EPM2A: variants seen among roughly 807,000 people sequenced by gnomAD.
The protein encoded by EPM2A is laforin.
Under a neutral mutation model 26.5 loss-of-function variants are expected in EPM2A, and 21 were observed. The ratio of observed to expected loss-of-function variants is 0.79; its 90% CI spans 0.56 to 1.14. The LOEUF (loss-of-function observed/expected upper bound fraction) is 1.14. EPM2A is among the 50% of genes most tolerant of loss of function. EPM2A has a pLI of 0.00. For missense variants in EPM2A, 458 were observed against 440.8 expected (o/e 1.04, Z -0.35); for synonymous variants, 217 against 177.6 (o/e 1.22, Z -1.76).
rs570079760 is a variant in EPM2A, at chr6:145,578,712, A to C, written c.340+56533T>G. 2.5e-4 allele frequency among the ~76,000 whole-genome samples: 38 copies of C among 152,324 alleles called. No homozygotes were observed. In the South Asian group the frequency reaches 6.4e-3, roughly 26 times the overall value. On this transcript the variant is annotated intron_variant, in intron 2 of 3. Coordinates refer to the EPM2A transcript ENST00000450221. ...AAAACAAATACTTTATCAAGGTATA[A>C]TTGACATAATAAACTGTATATATTG...
At chr6:145,442,999 T>C (rs1338546735) in intron 4 of EPM2A, among the ~76,000 whole-genome samples, 2 of 152,146 alleles carry the variant, frequency 1.3e-5, no homozygotes, top group Non-Finnish European at 2.9e-5. Context: ...TAGCTGGGAC[T>C]ACAGGCACCT....
intron 1 of EPM2A, among the ~76,000 whole-genome samples, chr6:145,711,747 T>A (rs568078119): frequency 6.6e-6 from 1 of 152,170 alleles, no homozygotes; most frequent in African/African-American, 2.4e-5. Flanking sequence ...GTTGATATCA[T>A]TTTTCATTGG....
intron 1 of EPM2A, among the ~76,000 whole-genome samples, chr6:145,734,417 T>C (rs1776695034): frequency 6.6e-6 from 1 of 152,112 alleles, no homozygotes; most frequent in Non-Finnish European, 1.5e-5. Flanking sequence ...GCTTAAGATG[T>C]GTGGAGGAAA....
intron 4 of EPM2A, among the ~76,000 whole-genome samples, chr6:145,434,083 T>A (rs933290732): frequency 6.6e-6 from 1 of 152,100 alleles, no homozygotes; most frequent in African/African-American, 2.4e-5. Context: ...GGGTATTGAA[T>A]TCTAGATTGA....
chr6:145,620,519 G>A (rs1264185164), downstream of EPM2A, among the ~76,000 whole-genome samples: 1 of 152,178 alleles, frequency 6.6e-6, no homozygotes, highest in African/African-American at 2.4e-5. Context: ...ATATTAAGAA[G>A]GCAGCAATAA....
intron 2 of EPM2A, among the ~76,000 whole-genome samples, chr6:145,554,410 G>T (rs577206160): frequency 6.9e-6 from 1 of 144,790 alleles, no homozygotes; most frequent in Non-Finnish European, 1.5e-5. Flanking sequence ...AGATAATAGA[G>T]AGATAGATAG....
In EPM2A at chr6:145,686,200, G is replaced by A; in HGVS notation, c.398C>T (p.Thr133Ile). 1 of 1,613,764 alleles carries A rather than the reference G, an allele frequency of 6.2e-7. No homozygotes were observed. Among genetic ancestry groups the A allele is most frequent in the Non-Finnish European group, 8.5e-7 (1 of 1,179,738 alleles). ...CLPIGHWIEA[T>I]GHTNEMKHTT... ...GTGCTTCATTTCATTGGTGTGCCCAGTGGCCTCAATCCAGTGTCCTATTGG... is the reference window on the plus strand; with the variant it reads ...GTGCTTCATTTCATTGGTGTGCCCAATGGCCTCAATCCAGTGTCCTATTGG... Residue 133 changes from threonine (T) to isoleucine (I), a missense_variant, in exon 2 of 4, where the codon ACT (threonine) becomes ATT (isoleucine). Physicochemically the swap from Thr to Ile is moderately conservative, Grantham distance 89. Transcript: ENST00000367519.
chr6:145,556,139 A>T (rs1780725874), intron 2 of EPM2A, among the ~76,000 whole-genome samples: 1 of 152,186 alleles, frequency 6.6e-6, no homozygotes. Flanking sequence ...TTTTTGTCCC[A>T]TGACTGTATT....
chr6:145,669,981 C>G (rs1167416265), intron 2 of EPM2A, among the ~76,000 whole-genome samples: 1 of 152,158 alleles, frequency 6.6e-6, no homozygotes, highest in East Asian at 1.9e-4. Flanking sequence ...GCTCTCACTG[C>G]TGATTCAACC....
At chr6:145,592,063 A>C (rs543942226) in intron 2 of EPM2A, among the ~76,000 whole-genome samples, 177 of 152,062 alleles carry the variant, frequency 1.2e-3, no homozygotes, top group Non-Finnish European at 2.4e-3. Flanking sequence ...CACAAAGTGC[A>C]GGTTTGTTAC....
chr6:145,470,169 G>A (rs1416607196), intron 4 of EPM2A, among the ~76,000 whole-genome samples: 1 of 151,996 alleles, frequency 6.6e-6, no homozygotes, highest in Non-Finnish European at 1.5e-5. Flanking sequence ...AAATAAAAGA[G>A]CATATTGGAA....
At chr6:145,511,449 C>T (rs1221530808) in intron 2 of EPM2A, among the ~76,000 whole-genome samples, 1 of 152,132 alleles carries the variant, frequency 6.6e-6, no homozygotes, top group Non-Finnish European at 1.5e-5. Flanking sequence ...GATGATTCAA[C>T]ATACACAAAT....
intron 2 of EPM2A, among the ~76,000 whole-genome samples, chr6:145,576,804 C>A (rs1177611487): frequency 3.8e-4 from 58 of 151,800 alleles, no homozygotes; most frequent in Admixed American, 3.7e-3. Flanking sequence ...GAATAAAAGA[C>A]AAACCTACAA....
At chr6:145,441,258 A>G (rs1320106305) in intron 4 of EPM2A, among the ~76,000 whole-genome samples, 1 of 152,178 alleles carries the variant, frequency 6.6e-6, no homozygotes, top group African/African-American at 2.4e-5. Context: ...CTTTTTAGTC[A>G]TGGCTACAGC....
intron 2 of EPM2A, among the ~76,000 whole-genome samples, chr6:145,618,936 G>A (rs988043126): frequency 1.3e-5 from 2 of 152,210 alleles, no homozygotes; most frequent in African/African-American, 4.8e-5. Context: ...ATTACAAGAG[G>A]AAGATAAGCC....
chr6:145,496,836 C>T (rs937202654), downstream of EPM2A, among the ~76,000 whole-genome samples: 14 of 149,938 alleles, frequency 9.3e-5, no homozygotes, highest in Non-Finnish European at 1.3e-4. Context: ...TTCCTGGGTT[C>T]ACGCCATTCT....
intron 2 of EPM2A, among the ~76,000 whole-genome samples, chr6:145,505,561 C>A (rs1369099263): frequency 6.6e-6 from 1 of 151,904 alleles, no homozygotes; most frequent in East Asian, 1.9e-4. Flanking sequence ...ATCAAATCTG[C>A]AGACCTAGTC....
intron 2 of EPM2A, among the ~76,000 whole-genome samples, chr6:145,644,641 T>C (rs929822402): frequency 2.6e-5 from 4 of 152,046 alleles, no homozygotes; most frequent in Non-Finnish European, 2.9e-5. Context: ...ATGTGAGTAA[T>C]TAGGATGGCA....
intron 4 of EPM2A, among the ~76,000 whole-genome samples, chr6:145,400,429 C>T (rs139171344): frequency 9.3e-4 from 142 of 152,268 alleles, no homozygotes; most frequent in African/African-American, 3.2e-3. Flanking sequence ...TAAACAGAAA[C>T]CAGCCCATTC....
Sources: gnomAD v4.1 joint callset for allele counts (sites outside exome capture counted in the v4.1 genomes callset) on GRCh38, gnomAD v4.1.1 for gene constraint, MANE v1.5 for transcripts, NCBI Gene and HGNC (gene_info 2026-07-23, HGNC 2026-07-21) for gene names.